TPM1: variants seen among roughly 807,000 people sequenced by gnomAD.
TPM1 encodes the protein tropomyosin alpha-1 chain.
A neutral mutation model predicts 42.9 loss-of-function variants in TPM1; 24 were observed. The ratio of observed to expected loss-of-function variants is 0.56; its 90% confidence interval spans 0.41 to 0.79. TPM1 has a LOEUF of 0.79. TPM1 is among the 30% of genes least tolerant of loss of function. TPM1 has a pLI of 0.00. For missense variants in TPM1, 158 were observed against 351.8 expected (o/e 0.45, Z 4.41); for synonymous variants, 136 against 130.1 (o/e 1.05, Z -0.31).
At chr15:63,067,372 T>G (rs1480432191), downstream of TPM1, among the ~76,000 whole-genome samples, 1 of 152,234 alleles carries the variant, frequency 6.6e-6, no homozygotes, top group African/African-American at 2.4e-5. Flanking sequence ...TTCATGCTTT[T>G]CTTTTCTTAA....
chr15:63,064,627 G>A, intron 9 of TPM1: 1 of 1,009,048 alleles, frequency 9.9e-7, no homozygotes, highest in Non-Finnish European at 1.2e-6. Flanking sequence ...ATCCAATACA[G>A]CTTTAACAGT....
intron 2 of TPM1, among the ~76,000 whole-genome samples, chr15:63,055,386 C>T (rs1203209769): frequency 6.6e-6 from 1 of 152,222 alleles, no homozygotes; most frequent in African/African-American, 2.4e-5. Context: ...CATTTAAAAT[C>T]TTACAAATCT....
At chr15:63,067,099 C>A (rs1275377077), downstream of TPM1, among the ~76,000 whole-genome samples, 1 of 148,046 alleles carries the variant, frequency 6.8e-6, no homozygotes, top group Non-Finnish European at 1.5e-5. Flanking sequence ...CTATATATTT[C>A]TCCTGTTTTT....
At chr15:63,048,584 G>A in intron 2 of TPM1, 2 of 1,529,696 alleles carry the variant, frequency 1.3e-6, no homozygotes, top group East Asian at 2.5e-5. Flanking sequence ...CGATGGCGGG[G>A]AGTAGCTCGC....
At chr15:63,061,943 T>A in intron 6 of TPM1, 155 bp downstream of exon 6, 1 of 729,818 alleles carries the variant, frequency 1.4e-6, no homozygotes, top group East Asian at 2.7e-5. Flanking sequence ...TTCTTTTTTT[T>A]AACTAGAGAA....
At chr15:63,053,262 C>G (rs1465358646) in intron 2 of TPM1, among the ~76,000 whole-genome samples, 1 of 152,178 alleles carries the variant, frequency 6.6e-6, no homozygotes, top group Non-Finnish European at 1.5e-5. Context: ...TTCTCCCAGT[C>G]CTGGTTAGGA....
intron 2 of TPM1, among the ~76,000 whole-genome samples, chr15:63,055,023 G>T (rs2053253550): frequency 1.7e-5 from 1 of 59,632 alleles, no homozygotes; most frequent in Non-Finnish European, 3.5e-5. Context: ...TCCAGTAATA[G>T]TAATAAAAAA....
chr15:63,044,010 C>T lies in TPM1; in HGVS notation c.115-17C>T, dbSNP rs1220016580. 2 of 1,612,844 alleles carry T rather than the reference C, an allele frequency of 1.2e-6. No homozygotes were observed. Among genetic ancestry groups the T allele is most frequent in the Non-Finnish European group, 1.7e-6 (2 of 1,179,434 alleles). ...CTGCACCCCCCTCCCTCCCTGTACC[C>T]CCTGGCCAACTCCCAGCTGGAAGAT... On this transcript the variant is annotated splice_polypyrimidine_tract_variant and intron_variant, in intron 1 of 9. Transcript: ENST00000403994.
rs397516381 is a variant in TPM1 at position 63,061,287 on chromosome 15, G to C, written c.563+348G>C. The stretch of plus-strand genomic sequence containing the variant: ...GCAGAGGATAAGGTACTGATGGCTC[G>C]TGTGGTTTTTAGGTTTAACTGCAAC... On this transcript the variant is annotated intron_variant, in intron 5 of 9. Coordinates refer to ENST00000403994, the MANE Select transcript of TPM1 (RefSeq NM_001018005.2). 6.8e-6 allele frequency: 11 copies of C among 1,613,966 alleles called. No individual in the cohort carries two copies. The East Asian group carries it at 1.1e-4, about 16-fold the overall frequency.
Position 63,044,794 on chromosome 15 carries a change from T to C in TPM1, c.240+642T>C, listed in dbSNP as rs892635786. ...TAGATCCAGAAAGTAAGCTGTGAGT[T>C]ATATATAGCTCAGTGCTTTATATGG... is the stretch of plus-strand genomic sequence containing the variant. On this transcript the variant is annotated intron_variant, in intron 2 of 9. Coordinates refer to ENST00000403994, the MANE Select transcript of TPM1 (RefSeq NM_001018005.2). 8.4e-5 allele frequency: 14 copies of C among 167,600 alleles called. 1 individual carries two copies. Among genetic ancestry groups the C allele is most frequent in the Admixed American group, 7.1e-4 (13 of 18,322 alleles). 10.4% of individuals were successfully genotyped at this position (167,600 alleles called of 1,614,324 possible).
intron 2 of TPM1, chr15:63,049,114 T>A: frequency 4.3e-6 from 1 of 233,162 alleles, no homozygotes; most frequent in Non-Finnish European, 8.7e-6. Flanking sequence ...ATCCGTACTT[T>A]GAGAAGGGGC....
chr15:63,061,899 T>C, intron 6 of TPM1, 111 bp downstream of exon 6: 1 of 980,850 alleles, frequency 1.0e-6, no homozygotes, highest in Middle Eastern at 2.7e-4. Flanking sequence ...GGCAATATTG[T>C]GAGGTGATTT....
intron 8 of TPM1, 26 bp downstream of exon 8, chr15:63,062,671 T>C (rs1275361246): frequency 6.2e-7 from 1 of 1,614,224 alleles, no homozygotes; most frequent in Non-Finnish European, 8.5e-7. Context: ...GTGTTTTTAG[T>C]TTAATCCTTA....
intron 6 of TPM1, 49 bp downstream of exon 6, chr15:63,061,837 C>G (rs374093534): frequency 1.2e-5 from 18 of 1,523,530 alleles, no homozygotes; most frequent in African/African-American, 1.4e-5. Context: ...AAGAGCTGCT[C>G]AAAAGAGGCC....
At chr15:63,048,661 G>T in intron 2 of TPM1, 1 of 1,538,936 alleles carries the variant, frequency 6.5e-7, no homozygotes, top group Non-Finnish European at 8.7e-7. Context: ...GAGCGCGCGG[G>T]CACCCTGCAG....
At chr15:63,067,285 G>A (rs564641130), downstream of TPM1, among the ~76,000 whole-genome samples, 1 of 152,314 alleles carries the variant, frequency 6.6e-6, no homozygotes, top group South Asian at 2.1e-4. Context: ...GTGAATTAAA[G>A]TATTTTAGTC....
intron 2 of TPM1, chr15:63,055,636 A>T (rs541296977): frequency 6.6e-6 from 1 of 152,280 alleles, no homozygotes; most frequent in Admixed American, 6.5e-5. Context: ...GTGTGTAGAG[A>T]AATTTGTTAT....
intron 2 of TPM1, chr15:63,048,451 GCA>G: frequency 2.2e-6 from 3 of 1,357,118 alleles, no homozygotes; most frequent in Non-Finnish European, 2.8e-6. Flanking sequence ...CGCCGCCATC[GCA>G]CAGAGAGGCC....
At chr15:63,070,873 T>G, downstream of TPM1, 1 of 1,344,486 alleles carries the variant, frequency 7.4e-7, no homozygotes. Context: ...TGCACCTGAC[T>G]GCTCTGTGAG....
Sources: allele counts gnomAD v4.1 joint callset (sites outside exome capture counted in the v4.1 genomes callset), GRCh38; gene constraint gnomAD v4.1.1; transcripts MANE v1.5; gene names NCBI Gene and HGNC (gene_info 2026-07-23, HGNC 2026-07-21).